PAPPA2: variants seen among roughly 807,000 people sequenced by gnomAD.
The protein encoded by PAPPA2 is pappalysin-2.
In PAPPA2, 86 loss-of-function variants were observed where a neutral mutation model predicts 176.4. The ratio of observed to expected loss-of-function variants is 0.49; its 90% CI spans 0.41 to 0.58. The LOEUF (loss-of-function observed/expected upper bound fraction) is 0.58. Ranked by LOEUF, PAPPA2 falls within the 20% of genes least tolerant of loss-of-function variation. PAPPA2 has a pLI of 0.00. For missense variants in PAPPA2, 2,073 were observed against 2,256.9 expected (o/e 0.92, Z 1.65); for synonymous variants, 809 against 852.2 (o/e 0.95, Z 0.88).
At position 176,664,355 on chromosome 1, in the gene PAPPA2, T is replaced by A. The variant is rs79083849; in HGVS notation, c.1992-6615T>A. 5.9e-5 allele frequency among the ~76,000 whole-genome samples: 9 copies of A among 152,354 alleles called. No individual in the cohort carries two copies. The East Asian group carries it at 1.7e-3, about 29-fold the overall frequency. On this transcript the variant is annotated intron_variant, in intron 3 of 22. Coordinates refer to ENST00000367662, the MANE Select transcript of PAPPA2 (RefSeq NM_020318.3). ...AGTTTCTGAAGGCTGCCTGAATTCCTTGGCTTTGGGCCCCTTCCTCCTTCT... is the reference window on the plus strand; with the variant it reads ...AGTTTCTGAAGGCTGCCTGAATTCCATGGCTTTGGGCCCCTTCCTCCTTCT...
chr1:176,521,071 A>AGTGTGT (rs71643354), intron 1 of PAPPA2, among the ~76,000 whole-genome samples: 2 of 149,888 alleles, frequency 1.3e-5, no homozygotes, highest in African/African-American at 2.4e-5. Flanking sequence ...ATAACACTGG[A>AGTGTGT]GTGTGTGTGT....
intron 1 of PAPPA2, among the ~76,000 whole-genome samples, chr1:176,513,234 C>CCCTA (rs1400771049): frequency 6.6e-6 from 1 of 152,088 alleles, no homozygotes; most frequent in East Asian, 1.9e-4. Context: ...CTCTGGAGAA[C>CCCTA]CCTAACTAAT....
At chr1:176,821,114 A>C (rs1666646103) in intron 21 of PAPPA2, among the ~76,000 whole-genome samples, 1 of 152,214 alleles carries the variant, frequency 6.6e-6, no homozygotes, top group Admixed American at 6.5e-5. Flanking sequence ...TCACTGCTTC[A>C]GGTCCATTTA....
intron 2 of PAPPA2, among the ~76,000 whole-genome samples, chr1:176,594,197 A>T (rs1311327555): frequency 6.6e-6 from 1 of 152,250 alleles, no homozygotes; most frequent in Non-Finnish European, 1.5e-5. Flanking sequence ...AGTCATGAGC[A>T]TGAAGCACAT....
chr1:176,819,479 T>C (rs1295648223), intron 21 of PAPPA2, among the ~76,000 whole-genome samples: 1 of 152,212 alleles, frequency 6.6e-6, no homozygotes, highest in Middle Eastern at 3.2e-3. Flanking sequence ...TTATTCTCTT[T>C]GGTTGTGTGA....
At chr1:176,498,368 C>G (rs939931361) in intron 1 of PAPPA2, among the ~76,000 whole-genome samples, 20 of 152,126 alleles carry the variant, frequency 1.3e-4, no homozygotes, top group African/African-American at 4.6e-4. Context: ...GCATAGACAC[C>G]TATCACAAAC....
chr1:176,823,714 A>G (rs1332892371), intron 21 of PAPPA2, among the ~76,000 whole-genome samples: 1 of 152,204 alleles, frequency 6.6e-6, no homozygotes, highest in African/African-American at 2.4e-5. Context: ...CCCTTGGACT[A>G]AAAGTAATGC....
At chr1:176,610,342 TG>T (rs1157496969) in intron 3 of PAPPA2, among the ~76,000 whole-genome samples, 4 of 78,686 alleles carry the variant, frequency 5.1e-5, no homozygotes, top group African/African-American at 3.9e-4. Flanking sequence ...CAAAGTTGTG[TG>T]TGGGGGGGGG....
At chr1:176,695,894 G>A (rs772144931) in intron 7 of PAPPA2, 35 bp downstream of exon 7, 2 of 1,609,260 alleles carry the variant, frequency 1.2e-6, no homozygotes, top group Non-Finnish European at 1.7e-6. Context: ...TTATACCCTG[G>A]TGACCACTGA....
intron 1 of PAPPA2, among the ~76,000 whole-genome samples, chr1:176,523,701 A>T (rs1483119812): frequency 1.3e-5 from 2 of 152,234 alleles, no homozygotes; most frequent in Non-Finnish European, 1.5e-5. Flanking sequence ...AATATGAATA[A>T]GACATGGGGC....
chr1:176,740,739 G>A (rs1444347139), intron 14 of PAPPA2, among the ~76,000 whole-genome samples: 1 of 152,154 alleles, frequency 6.6e-6, no homozygotes, highest in Non-Finnish European at 1.5e-5. Flanking sequence ...TAGCATCTCA[G>A]CAGCAGCTAT....
rs530900858 is a variant in PAPPA2, at chr1:176,559,279, G to A, written c.919+2038G>A. ...TTCAAATCAAAGTGTCCCTTGTGGT[G>A]TACCAGTATTTCCCCTCTTAGGTCT... On this transcript the variant is annotated intron_variant, in intron 2 of 22. Coordinates refer to ENST00000367662, the MANE Select transcript of PAPPA2 (RefSeq NM_020318.3). 1.4e-4 allele frequency among the ~76,000 whole-genome samples: 22 copies of A among 152,304 alleles called. No homozygotes were observed. In the South Asian group the frequency reaches 3.5e-3, roughly 24 times the overall value.
At position 176,739,694 on chromosome 1, in the gene PAPPA2, C is replaced by T. The variant is rs370502405; in HGVS notation, c.3867C>T (p.Pro1289=). ...TTTTGACAACTGATGGCCTAGTTCC[C>T]GGAGAGCATCAGCAGCCGACAGTGA... The part of the protein sequence containing the change: ...FIFLTTDGLV[P]GEHQQPTVTL... The change falls in exon 13 of 23, where the codon CCC becomes CCT. Residue 1289 remains proline, a synonymous_variant. Transcript: ENST00000367662. 64 of 1,613,444 alleles carry T rather than the reference C, an allele frequency of 4.0e-5. 1 individual carries two copies. The highest frequency in any genetic ancestry group is 2.7e-4 in the Admixed American group (16 of 59,922).
At chr1:176,667,945 A>G (rs1197443679) in intron 3 of PAPPA2, among the ~76,000 whole-genome samples, 3 of 152,118 alleles carry the variant, frequency 2.0e-5, no homozygotes, top group Non-Finnish European at 2.9e-5. Flanking sequence ...GTACATTTAG[A>G]TACTGGGATG....
At chr1:176,613,632 A>G (rs972659678) in intron 3 of PAPPA2, among the ~76,000 whole-genome samples, 3 of 152,100 alleles carry the variant, frequency 2.0e-5, no homozygotes, top group Admixed American at 1.3e-4. Context: ...GAAATCATAG[A>G]TTTCTTTCCT....
intron 1 of PAPPA2, among the ~76,000 whole-genome samples, chr1:176,489,989 C>T (rs1558398793): frequency 6.6e-6 from 1 of 152,134 alleles, no homozygotes; most frequent in Admixed American, 6.6e-5. Context: ...ACAGGAGCTC[C>T]TTCTGGATCT....
At chr1:176,524,002 A>G (rs1320573738) in intron 1 of PAPPA2, among the ~76,000 whole-genome samples, 1 of 152,178 alleles carries the variant, frequency 6.6e-6, no homozygotes, top group African/African-American at 2.4e-5. Context: ...ACCCTGTAAT[A>G]TATCAAAGAA....
Position 176,665,819 on chromosome 1 carries a change from A to G in PAPPA2, c.1992-5151A>G, listed in dbSNP as rs535394884. On this transcript the variant is annotated intron_variant, in intron 3 of 22. Coordinates refer to ENST00000367662, the MANE Select transcript of PAPPA2 (RefSeq NM_020318.3). ...CCAGCTGGAACATTATTTCAGATGC[A>G]TTGAAATTCACTTTGTCTGAGTTTC... 2.6e-5 allele frequency among the ~76,000 whole-genome samples: 4 copies of G among 152,348 alleles called. No individual in the cohort carries two copies. In the South Asian group the frequency reaches 8.3e-4, roughly 32 times the overall value.
chr1:176,716,773 G>A (rs1202372422), intron 12 of PAPPA2, among the ~76,000 whole-genome samples: 12 of 151,510 alleles, frequency 7.9e-5, no homozygotes, highest in Admixed American at 5.3e-4. Context: ...CACCATGCCC[G>A]GCTAATTTTT....
Sources: allele counts gnomAD v4.1 joint callset (sites outside exome capture counted in the v4.1 genomes callset), GRCh38; gene constraint gnomAD v4.1.1; transcripts MANE v1.5; gene names NCBI Gene and HGNC (gene_info 2026-07-23, HGNC 2026-07-21).